Variants in ZMYM6 observed in about 807,000 individuals in gnomAD.
ZMYM6 encodes zinc finger MYM-type protein 6.
Under a neutral mutation model 134.0 loss-of-function variants are expected in ZMYM6, and 90 were observed. The ratio of observed to expected loss-of-function variants is 0.67; its 90% CI spans 0.57 to 0.80. The LOEUF (loss-of-function observed/expected upper bound fraction) is 0.80. Ranked by LOEUF, ZMYM6 falls within the 30% of genes least tolerant of loss-of-function variation. The probability of loss-of-function intolerance (pLI) is 0.00; values close to 1 mark genes in which losing one functional copy is unlikely to be tolerated. For synonymous variants in ZMYM6, 481 were observed against 524.1 expected (o/e 0.92, Z 1.12); for missense variants, 1,362 against 1,533.9 (o/e 0.89, Z 1.87).
rs1641534786 is a variant in ZMYM6 at position 35,031,871 on chromosome 1, A to C, written c.-131T>G. 1 of 152,456 alleles carries C rather than the reference A, an allele frequency of 6.6e-6. No individual in the cohort carries two copies. The highest frequency in any genetic ancestry group is 6.5e-5 in the Admixed American group (1 of 15,290). The allele number at this position is 152,456 out of a possible 1,614,324, so 9.4% of individuals were successfully genotyped here. ...CTGGAATAGGAACCAAGTCCTCTGC[A>C]TCTAGACAGGGATTATTTTCTCTTC... is the stretch of plus-strand genomic sequence containing the variant. On this transcript the variant is annotated 5_prime_UTR_variant, in exon 1 of 16. It removes an upstream start codon present in the reference 5' UTR. Coordinates refer to ENST00000357182, the MANE Select transcript of ZMYM6 (RefSeq NM_007167.4).
intron 3 of ZMYM6, among the ~76,000 whole-genome samples, chr1:35,019,998 A>C: frequency 6.6e-6 from 1 of 152,116 alleles, no homozygotes. Context: ...ACAAATTCCC[A>C]ATCTTGAAAT....
intron 14 of ZMYM6, among the ~76,000 whole-genome samples, chr1:35,000,400 G>C (rs1314324470): frequency 6.6e-6 from 1 of 151,800 alleles, no homozygotes; most frequent in Non-Finnish European, 1.5e-5. Flanking sequence ...CCACCACCTA[G>C]CTAATTTTTT....
chr1:35,030,792 G>A (rs1641506700), intron 1 of ZMYM6, 79 bp from the exon 2 acceptor site: 1 of 688,492 alleles, frequency 1.5e-6, no homozygotes, highest in Non-Finnish European at 2.4e-6. Context: ...GAGTGCATGA[G>A]GCTTCACGGC....
At chr1:35,011,113 T>C in intron 8 of ZMYM6, 77 bp from the exon 9 acceptor site, 2 of 1,440,280 alleles carry the variant, frequency 1.4e-6, no homozygotes, top group South Asian at 2.7e-5. Context: ...TTCCTCATTT[T>C]AATAAATCAA....
Position 35,011,500 on chromosome 1 carries a change from T to TA in ZMYM6, c.1062+389dup, listed in dbSNP as rs1384859419. On this transcript the variant is annotated intron_variant, in intron 8 of 15. Transcript: ENST00000357182. ...GGAGAAAATGGGACAAGTGGATGCT[T>TA]ACAATTCCATGCCAGGAGTCACTGT... is the stretch of plus-strand genomic sequence containing the variant. 5.9e-5 allele frequency among the ~76,000 whole-genome samples: 9 copies of TA among 152,300 alleles called. No individual in the cohort carries two copies. The East Asian group carries it at 1.7e-3, about 29-fold the overall frequency.
At chr1:35,000,590 G>A (rs1252014359) in intron 14 of ZMYM6, among the ~76,000 whole-genome samples, 1 of 151,922 alleles carries the variant, frequency 6.6e-6, no homozygotes, top group Non-Finnish European at 1.5e-5. Context: ...TTCATCAATA[G>A]GACAATGGAT....
intron 12 of ZMYM6, among the ~76,000 whole-genome samples, chr1:35,006,649 C>T (rs1640971891): frequency 6.6e-6 from 1 of 151,906 alleles, no homozygotes; most frequent in Non-Finnish European, 1.5e-5. Flanking sequence ...AGTATATATC[C>T]CTAGTTTAAG....
At chr1:35,015,216 T>C in intron 4 of ZMYM6, 54 bp from the exon 5 acceptor site, 3 of 1,465,960 alleles carry the variant, frequency 2.0e-6, no homozygotes, top group Non-Finnish European at 2.7e-6. Flanking sequence ...AACTGTAACT[T>C]CCTCCTCTTT....
chr1:35,018,516 T>G (rs1345159417), intron 4 of ZMYM6: 1 of 151,762 alleles, frequency 6.6e-6, no homozygotes, highest in Non-Finnish European at 1.5e-5. Flanking sequence ...ATGTTAATTA[T>G]AAATAATCGC....
chr1:34,988,743 A>C lies in ZMYM6; in HGVS notation c.2339T>G (p.Met780Arg), dbSNP rs1271768433. The C allele has an allele frequency of 1.3e-6, 2 of 1,551,400 alleles. No homozygotes were observed. The highest frequency in any genetic ancestry group is 4.9e-5 in the East Asian group (2 of 40,908). ...ATGATGAGAAAGATTTGCTGGCTTC[A>C]TGTTTTCACTGGATAAGATCTCTCC... is the stretch of plus-strand genomic sequence containing the variant. ...ICGEILSSENMKPANLSHHLK... is the reference protein window; with the variant it reads ...ICGEILSSENRKPANLSHHLK... Residue 780 changes from methionine to arginine, a missense_variant, in exon 16 of 16, where the codon ATG becomes AGG. Physicochemically the swap from Met to Arg is moderately conservative, Grantham distance 91. Transcript: ENST00000357182.
chr1:35,010,753 T>C lies in ZMYM6; in HGVS notation c.1341+5A>G, dbSNP rs1421353931. 4 of 1,553,592 alleles carry C rather than the reference T, an allele frequency of 2.6e-6. No individual in the cohort carries two copies. Among genetic ancestry groups the C allele is most frequent in the South Asian group, 1.3e-5 (1 of 78,868 alleles). ...TATACAATCCCTTTCATGATCTCTC[T>C]TTACCTTGTAAAAAAGAAGTTCTGG... is the stretch of plus-strand genomic sequence containing the variant. On this transcript the variant is annotated splice_donor_5th_base_variant and intron_variant, in intron 9 of 15. Transcript: ENST00000357182.
intron 14 of ZMYM6, among the ~76,000 whole-genome samples, chr1:34,995,035 AAT>A (rs200630779): frequency 8.6e-6 from 1 of 115,724 alleles, no homozygotes; most frequent in South Asian, 2.3e-4. Flanking sequence ...ATATATATGT[AAT>A]ATATATACTT....
chr1:35,023,707 C>T (rs527891937), intron 2 of ZMYM6, among the ~76,000 whole-genome samples: 5 of 150,450 alleles, frequency 3.3e-5, no homozygotes, highest in Non-Finnish European at 7.4e-5. Flanking sequence ...CTACAAGCTC[C>T]GCCTCCCAGG....
At position 35,019,698 on chromosome 1, in the gene ZMYM6, A is replaced by T. The variant is rs1025450957; in HGVS notation, c.179-96T>A. On this transcript the variant is annotated intron_variant, in intron 3 of 15. Coordinates refer to ENST00000357182, the MANE Select transcript of ZMYM6 (RefSeq NM_007167.4). ...TCTCTCTTTTTTCTTTTTCTGAGAC[A>T]CGGTCTCACTGTCACCCAGGCTGGA... The T allele has an allele frequency of 1.3e-5, 18 of 1,362,864 alleles. No individual in the cohort carries two copies. In the African/African-American group the frequency reaches 2.6e-4, roughly 20 times the overall value. 84.4% of individuals were successfully genotyped at this position (1,362,864 alleles called of 1,614,324 possible).
chr1:35,002,840 A>C (rs1382952996), intron 14 of ZMYM6, among the ~76,000 whole-genome samples: 1 of 152,126 alleles, frequency 6.6e-6, no homozygotes, highest in Non-Finnish European at 1.5e-5. Flanking sequence ...TCTACGATAT[A>C]AAAAAAGAGT....
intron 8 of ZMYM6, among the ~76,000 whole-genome samples, chr1:35,011,389 C>T (rs1437198006): frequency 6.6e-6 from 1 of 152,120 alleles, no homozygotes; most frequent in Non-Finnish European, 1.5e-5. Flanking sequence ...TCTCTTTCTC[C>T]CTAATGCCAG....
intron 8 of ZMYM6, 100 bp from the exon 9 acceptor site, chr1:35,011,136 C>T: frequency 7.7e-7 from 1 of 1,303,734 alleles, no homozygotes; most frequent in South Asian, 1.5e-5. Context: ...CTCCCACAAA[C>T]ATTTTTTAAA....
At chr1:35,015,711 T>TAGAGCTTG (rs1219949681) in intron 4 of ZMYM6, among the ~76,000 whole-genome samples, 1 of 107,776 alleles carries the variant, frequency 9.3e-6, no homozygotes, top group African/African-American at 4.8e-5. Context: ...GCAACAGAGC[T>TAGAGCTTG]AGACTCCATC....
chr1:35,028,430 T>A (rs374447074), intron 2 of ZMYM6, among the ~76,000 whole-genome samples: 1 of 152,096 alleles, frequency 6.6e-6, no homozygotes, highest in Admixed American at 6.5e-5. Flanking sequence ...TAACTTTGAG[T>A]GTAAAGCGAA....
Sources: gnomAD v4.1 joint callset for allele counts (sites outside exome capture counted in the v4.1 genomes callset) on GRCh38, gnomAD v4.1.1 for gene constraint, MANE v1.5 for transcripts, NCBI Gene and HGNC (gene_info 2026-07-23, HGNC 2026-07-21) for gene names.